TSPAN9: variants seen among roughly 807,000 people sequenced by gnomAD.
TSPAN9 encodes the protein tetraspanin 9, also known as tetraspanin-9.
A neutral mutation model predicts 31.0 loss-of-function variants in TSPAN9; 16 were observed. That is an observed-to-expected ratio of 0.52 (90% confidence interval 0.35 to 0.78). The LOEUF (loss-of-function observed/expected upper bound fraction) is 0.78, where lower values mean the gene tolerates loss of function less well. Ranked by LOEUF, TSPAN9 falls within the 30% of genes least tolerant of loss-of-function variation. TSPAN9 has a pLI of 0.01. For synonymous variants in TSPAN9, 145 were observed against 121.6 expected (o/e 1.19, Z -1.27); for missense variants, 272 against 312.5 (o/e 0.87, Z 0.98).
intron 3 of TSPAN9, among the ~76,000 whole-genome samples, chr12:3,259,643 G>A (rs964451954): frequency 2.6e-5 from 4 of 152,248 alleles, no homozygotes; most frequent in African/African-American, 9.6e-5. Flanking sequence ...AGCCAGCCAT[G>A]TGACTACCTA....
chr12:3,166,226 ATTAACT>A (rs1282265618), intron 2 of TSPAN9, among the ~76,000 whole-genome samples: 1 of 152,224 alleles, frequency 6.6e-6, no homozygotes, highest in Non-Finnish European at 1.5e-5. Context: ...AATATTTTTC[ATTAACT>A]TTAATTTAAT....
rs952024517 is a variant in TSPAN9, at chr12:3,218,166, TG to T, written c.63+16912del. Among the ~76,000 whole-genome samples the T allele has an allele frequency of 4.7e-4, 72 of 152,162 alleles. 1 individual carries two copies. Among genetic ancestry groups the T allele is most frequent in the African/African-American group, 1.6e-3 (66 of 41,418 alleles). On this transcript the variant is annotated intron_variant, in intron 3 of 8. Coordinates refer to ENST00000011898, the MANE Select transcript of TSPAN9 (RefSeq NM_006675.5). ...CAGCCCCCATTTTTTCTGTGGGCCC[TG>T]GTTTTCTCTAGGCTTTGTTTTGGCT...
chr12:3,111,105 CCT>C (rs2098318403), intron 2 of TSPAN9, among the ~76,000 whole-genome samples: 1 of 152,110 alleles, frequency 6.6e-6, no homozygotes, highest in Non-Finnish European at 1.5e-5. Flanking sequence ...TTGCTGTTGT[CCT>C]CTCTCATTTG....
chr12:3,102,533 GTT>G (rs2098312335), intron 2 of TSPAN9, among the ~76,000 whole-genome samples: 1 of 150,924 alleles, frequency 6.6e-6, no homozygotes, highest in African/African-American at 2.5e-5. Flanking sequence ...CTCCCACCAG[GTT>G]CATGCCATTC....
intron 1 of TSPAN9, among the ~76,000 whole-genome samples, chr12:3,080,056 T>C (rs1430231784): frequency 6.6e-6 from 1 of 152,068 alleles, no homozygotes; most frequent in Non-Finnish European, 1.5e-5. Context: ...CCCAAAGTGT[T>C]GGGATTACAG....
chr12:3,139,440 C>T (rs1218772127), intron 2 of TSPAN9, among the ~76,000 whole-genome samples: 8 of 152,202 alleles, frequency 5.3e-5, no homozygotes, highest in Admixed American at 1.3e-4. Context: ...GGCTTGCAGT[C>T]GGCCAGCCTG....
intron 3 of TSPAN9, among the ~76,000 whole-genome samples, chr12:3,201,502 G>A (rs1358408872): frequency 6.6e-6 from 1 of 152,158 alleles, no homozygotes; most frequent in Non-Finnish European, 1.5e-5. Flanking sequence ...TCTACTCCTA[G>A]GAGGCTGGCA....
rs144500843 is a variant in TSPAN9 at position 3,109,231 on chromosome 12, T to C, written c.-18+25512T>C. ...GATTACAGGTGTGAGCCACCGCTCC[T>C]GGCCAGGAGGAAGGATTCTTTACTG... On this transcript the variant is annotated intron_variant, in intron 2 of 8. Coordinates refer to ENST00000011898, the MANE Select transcript of TSPAN9 (RefSeq NM_006675.5). 8.1e-3 allele frequency among the ~76,000 whole-genome samples: 1,212 copies of C among 149,488 alleles called. 16 individuals carry two copies. The highest frequency in any genetic ancestry group is 0.04 in the South Asian group (189 of 4,674).
At chr12:3,247,946 A>T (rs1188841268) in intron 3 of TSPAN9, among the ~76,000 whole-genome samples, 2 of 152,340 alleles carry the variant, frequency 1.3e-5, no homozygotes, top group African/African-American at 4.8e-5. Context: ...CTGTGTGTGC[A>T]TGCCAGTGGG....
chr12:3,085,517 G>A (rs536549330), intron 2 of TSPAN9, among the ~76,000 whole-genome samples: 6 of 152,232 alleles, frequency 3.9e-5, no homozygotes, highest in Admixed American at 6.5e-5. Flanking sequence ...GTGGCTCCAG[G>A]GGGCTTTGGT....
chr12:3,208,243 G>A (rs2098376344), intron 3 of TSPAN9, among the ~76,000 whole-genome samples: 1 of 152,240 alleles, frequency 6.6e-6, no homozygotes, highest in Non-Finnish European at 1.5e-5. Context: ...GGATCCCCAA[G>A]TGTCCCTCGG....
intron 2 of TSPAN9, among the ~76,000 whole-genome samples, chr12:3,195,666 ACCCCGATG>A (rs1490831210): frequency 1.3e-5 from 2 of 152,048 alleles, no homozygotes; most frequent in African/African-American, 2.4e-5. Flanking sequence ...CCTCTCCTCC[ACCCCGATG>A]CCAGTGCCAG....
chr12:3,152,569 G>A (rs1029653932), intron 2 of TSPAN9, among the ~76,000 whole-genome samples: 1 of 152,228 alleles, frequency 6.6e-6, no homozygotes, highest in East Asian at 1.9e-4. Flanking sequence ...AGAGGCTGTC[G>A]TCAGAGCCCC....
intron 2 of TSPAN9, among the ~76,000 whole-genome samples, chr12:3,149,032 C>T (rs2098338661): frequency 6.6e-6 from 1 of 152,180 alleles, no homozygotes; most frequent in Non-Finnish European, 1.5e-5. Flanking sequence ...GTGGGTAGCT[C>T]AGCTTTCAGC....
chr12:3,232,515 T>G (rs1430693968), intron 3 of TSPAN9, among the ~76,000 whole-genome samples: 2 of 152,194 alleles, frequency 1.3e-5, no homozygotes. Flanking sequence ...CCATGGAACT[T>G]TGAACTAAAA....
In TSPAN9 at chr12:3,164,897, C is replaced by T. The variant is rs1201720433; in HGVS notation, c.-17-36280C>T. ...GCTCTGAATCCTGGCCTCTCCATTT[C>T]TGCTTTGTGACCTTGGGATAATCCC... is the stretch of plus-strand genomic sequence containing the variant. On this transcript the variant is annotated intron_variant, in intron 2 of 8. Transcript: ENST00000011898. Among the ~76,000 whole-genome samples, 7 of 152,208 alleles carry T rather than the reference C, an allele frequency of 4.6e-5. No individual in the cohort carries two copies. The East Asian group carries it at 1.3e-3, about 29-fold the overall frequency.
At chr12:3,185,131 AG>A (rs1307709062) in intron 2 of TSPAN9, among the ~76,000 whole-genome samples, 2 of 152,206 alleles carry the variant, frequency 1.3e-5, no homozygotes, top group African/African-American at 4.8e-5. Flanking sequence ...TGCATTTGGA[AG>A]CAGTCATTTA....
intron 2 of TSPAN9, among the ~76,000 whole-genome samples, chr12:3,086,253 A>ATG (rs2153962229): frequency 6.6e-6 from 1 of 152,056 alleles, no homozygotes; most frequent in Non-Finnish European, 1.5e-5. Context: ...AGATAGAAGA[A>ATG]CCCCTTTGCT....
intron 3 of TSPAN9, among the ~76,000 whole-genome samples, chr12:3,249,590 A>C (rs1292568318): frequency 2.0e-5 from 3 of 152,132 alleles, no homozygotes; most frequent in Admixed American, 2.0e-4. Flanking sequence ...GGCCGAGCCC[A>C]TGTCTGACTT....
Sources: allele counts gnomAD v4.1 joint callset (sites outside exome capture counted in the v4.1 genomes callset), GRCh38; gene constraint gnomAD v4.1.1; transcripts MANE v1.5; gene names NCBI Gene and HGNC (gene_info 2026-07-23, HGNC 2026-07-21).